RARS2: variants seen among roughly 807,000 people sequenced by gnomAD.
The protein encoded by RARS2 is arginyl-tRNA synthetase 2, mitochondrial, also known as probable arginine--tRNA ligase, mitochondrial.
Under a neutral mutation model 88.5 loss-of-function variants are expected in RARS2, and 67 were observed. That is an observed-to-expected ratio of 0.76 (90% CI 0.62 to 0.93). The LOEUF (loss-of-function observed/expected upper bound fraction) is 0.93. Ranked by LOEUF, RARS2 falls within the 40% of genes least tolerant of loss-of-function variation. The pLI, the probability that RARS2 is intolerant of heterozygous loss-of-function variation, is 0.00. For missense variants in RARS2, 664 were observed against 684.2 expected, an observed-to-expected ratio of 0.97 and a Z score of 0.33; for synonymous variants, 239 against 230.3, an observed-to-expected ratio of 1.04 and a Z score of -0.34.
At position 87,516,843 on chromosome 6, in the gene RARS2, G is replaced by A. The variant is rs757088000; in HGVS notation, c.1549C>T (p.Gln517Ter). 6.2e-7 allele frequency: 1 copy of A among 1,613,754 alleles called. No homozygotes were observed. The highest frequency in any genetic ancestry group is 1.7e-5 in the Admixed American group (1 of 59,984). The change falls in exon 18 of 20, where the codon CAA (glutamine) becomes TAA (stop). Residue 517 changes from glutamine (Q) to a stop codon, truncating the protein, a stop_gained. Coordinates refer to ENST00000369536, the MANE Select transcript of RARS2 (RefSeq NM_020320.5). LOFTEE classifies it high-confidence loss of function. ...AGGTAACTGACGATATGCCTGGGTTGAAAGTCCTGAGATGATTTATAAAGC... is the reference window on the plus strand; with the variant it reads ...AGGTAACTGACGATATGCCTGGGTTAAAAGTCCTGAGATGATTTATAAAGC... ...EVLYKSSQDF[Q>*]PRHIVSYLLT...
At chr6:87,582,185 GTCTTC>G (rs1773769390) in intron 1 of RARS2, among the ~76,000 whole-genome samples, 1 of 152,158 alleles carries the variant, frequency 6.6e-6, no homozygotes, top group Admixed American at 6.5e-5. Flanking sequence ...CCATGACACT[GTCTTC>G]CACAATGGCT....
chr6:87,576,490 A>C (rs1167160827), intron 1 of RARS2, among the ~76,000 whole-genome samples: 5,114 of 72,064 alleles, frequency 0.071, 331 homozygotes, highest in Admixed American at 0.087. Context: ...GTTAGCCAGG[A>C]TGGTCTCGAT....
intron 8 of RARS2, among the ~76,000 whole-genome samples, chr6:87,531,606 C>T (rs1397276343): frequency 6.6e-6 from 1 of 152,126 alleles, no homozygotes; most frequent in Non-Finnish European, 1.5e-5. Flanking sequence ...CTGTGTTGAG[C>T]ACCTCTTCTG....
intron 1 of RARS2, among the ~76,000 whole-genome samples, chr6:87,570,011 AG>A (rs1769153028): frequency 6.6e-6 from 1 of 152,170 alleles, no homozygotes; most frequent in African/African-American, 2.4e-5. Context: ...GCATTATTCC[AG>A]GTATTAGGGA....
chr6:87,582,080 T>C (rs74768303), intron 1 of RARS2, among the ~76,000 whole-genome samples: 1 of 152,210 alleles, frequency 6.6e-6, no homozygotes, highest in Non-Finnish European at 1.5e-5. Flanking sequence ...CATGCATGTA[T>C]CTTTGTAGCA....
At chr6:87,543,404 G>C (rs1562145444) in intron 7 of RARS2, among the ~76,000 whole-genome samples, 1 of 151,924 alleles carries the variant, frequency 6.6e-6, no homozygotes, top group Non-Finnish European at 1.5e-5. Flanking sequence ...CACTTTGGGA[G>C]GCCGAGGTGG....
intron 1 of RARS2, among the ~76,000 whole-genome samples, chr6:87,577,363 T>C (rs894152115): frequency 1.3e-5 from 2 of 152,100 alleles, no homozygotes; most frequent in African/African-American, 4.8e-5. Flanking sequence ...GGCTAATTTT[T>C]TGTATTTTTT....
chr6:87,528,718 T>C (rs905622926), intron 10 of RARS2, among the ~76,000 whole-genome samples: 1 of 152,180 alleles, frequency 6.6e-6, no homozygotes, highest in African/African-American at 2.4e-5. Context: ...GAATGGAGGT[T>C]ACCAAGGGCA....
chr6:87,579,560 T>G (rs1207137265), intron 1 of RARS2, among the ~76,000 whole-genome samples: 2 of 151,954 alleles, frequency 1.3e-5, no homozygotes, highest in Non-Finnish European at 2.9e-5. Flanking sequence ...AACCACGGCT[T>G]AGGGAGAGAG....
rs574563720 is a variant in RARS2 at position 87,556,895 on chromosome 6, T to C, written c.298-1390A>G. On this transcript the variant is annotated intron_variant, in intron 4 of 19. Coordinates refer to ENST00000369536, the MANE Select transcript of RARS2 (RefSeq NM_020320.5). ...TTGAACTCCTGGGCTCAAATGATCC[T>C]GACACCTTAGCCTCCTAAAGTGCTG... is the stretch of plus-strand genomic sequence containing the variant. Among the ~76,000 whole-genome samples the C allele has an allele frequency of 1.1e-4, 16 of 151,880 alleles. No individual in the cohort carries two copies. In the South Asian group the frequency reaches 3.3e-3, roughly 32 times the overall value.
intron 1 of RARS2, among the ~76,000 whole-genome samples, chr6:87,582,898 T>C (rs1479009064): frequency 6.6e-6 from 1 of 152,168 alleles, no homozygotes; most frequent in Non-Finnish European, 1.5e-5. Flanking sequence ...TGTAAGTTAA[T>C]AACGAGAGCG....
chr6:87,529,980 G>A (rs1002699448), intron 9 of RARS2, among the ~76,000 whole-genome samples: 3 of 151,958 alleles, frequency 2.0e-5, no homozygotes, highest in Non-Finnish European at 4.4e-5. Flanking sequence ...ATGGTACTGT[G>A]CTGTGCAATA....
chr6:87,544,666 T>G (rs73752042), intron 7 of RARS2, among the ~76,000 whole-genome samples: 67 of 152,346 alleles, frequency 4.4e-4, no homozygotes, highest in African/African-American at 1.5e-3. Flanking sequence ...CATAACAACT[T>G]CATTTACCTT....
In RARS2 at chr6:87,581,497, C is replaced by T. The variant is rs144071814; in HGVS notation, c.36+8425G>A. 3.3e-5 allele frequency among the ~76,000 whole-genome samples: 5 copies of T among 152,140 alleles called. No individual in the cohort carries two copies. The East Asian group carries it at 5.8e-4, about 18-fold the overall frequency. On this transcript the variant is annotated intron_variant, in intron 1 of 19. Coordinates refer to ENST00000369536, the MANE Select transcript of RARS2 (RefSeq NM_020320.5). ...ACAGGTCTGCATTAGTTTCAAGACA[C>T]AAACAAGAAGCAAACAAAGTAAGAA...
chr6:87,545,550 C>A, intron 7 of RARS2, 66 bp downstream of exon 7: 2 of 1,603,970 alleles, frequency 1.2e-6, no homozygotes, highest in Non-Finnish European at 1.7e-6. Flanking sequence ...ATATTCTGTC[C>A]AGATCAAAGT....
chr6:87,539,073 T>C (rs1174892023), intron 8 of RARS2, among the ~76,000 whole-genome samples: 1 of 151,782 alleles, frequency 6.6e-6, no homozygotes, highest in Non-Finnish European at 1.5e-5. Context: ...AATAAATAAA[T>C]AAAAGATAAA....
intron 12 of RARS2, among the ~76,000 whole-genome samples, chr6:87,520,672 G>A (rs754197770): frequency 9.2e-5 from 14 of 152,168 alleles, no homozygotes; most frequent in Non-Finnish European, 1.6e-4. Flanking sequence ...AGCAATAAAA[G>A]GAACCAACTA....
At chr6:87,551,442 A>G (rs1784299727) in intron 5 of RARS2, among the ~76,000 whole-genome samples, 1 of 151,808 alleles carries the variant, frequency 6.6e-6, no homozygotes, top group Admixed American at 6.6e-5. Flanking sequence ...CCTGACCAAC[A>G]TGGTGAAATC....
chr6:87,514,753 T>TAA (rs1465153209), intron 19 of RARS2, among the ~76,000 whole-genome samples: 3 of 152,196 alleles, frequency 2.0e-5, no homozygotes, highest in Admixed American at 1.3e-4. Context: ...ATCACTGTAA[T>TAA]ATTTCATGTA....
Sources: gnomAD v4.1 joint callset for allele counts (sites outside exome capture counted in the v4.1 genomes callset) on GRCh38, gnomAD v4.1.1 for gene constraint, MANE v1.5 for transcripts, NCBI Gene and HGNC (gene_info 2026-07-23, HGNC 2026-07-21) for gene names.